SYT17: variants seen among roughly 807,000 people sequenced by gnomAD.
SYT17 encodes synaptotagmin-17.
Under a neutral mutation model 46.7 loss-of-function variants are expected in SYT17, and 22 were observed. That is an observed-to-expected ratio of 0.47 (90% confidence interval 0.34 to 0.67). SYT17 has a LOEUF of 0.67. Among genes scored for constraint, SYT17 ranks in the 30% least tolerant of loss-of-function variants. The pLI, the probability that SYT17 is intolerant of heterozygous loss-of-function variation, is 0.01. For synonymous variants in SYT17, 251 were observed against 248.4 expected (o/e 1.01, Z -0.10); for missense variants, 519 against 612.8 (o/e 0.85, Z 1.62).
intron 7 of SYT17, among the ~76,000 whole-genome samples, chr16:19,254,881 G>C (rs1968449734): frequency 6.6e-6 from 1 of 152,176 alleles, no homozygotes; most frequent in Non-Finnish European, 1.5e-5. Context: ...GTCATCTTCA[G>C]TGCAGGCTCC....
chr16:19,256,014 C>G (rs1200300132), intron 7 of SYT17, among the ~76,000 whole-genome samples: 1 of 152,174 alleles, frequency 6.6e-6, no homozygotes. Flanking sequence ...TGGTCTAGGT[C>G]AGTCCCCAGG....
rs145461518 is a variant in SYT17 at position 19,189,314 on chromosome 16, C to T, written c.951+5167C>T. On this transcript the variant is annotated intron_variant, in intron 5 of 7. Transcript: ENST00000355377. ...CCAAATAAGGTCCCATTCTGAGATA[C>T]TGGGGGTTAGGACCTCAACCTGTCT... Among the ~76,000 whole-genome samples the T allele has an allele frequency of 4.3e-3, 649 of 150,710 alleles. 5 individuals are homozygous for T. The highest frequency in any genetic ancestry group is 0.015 in the African/African-American group (626 of 40,794).
intron 7 of SYT17, among the ~76,000 whole-genome samples, chr16:19,231,864 A>T (rs1249814341): frequency 6.6e-6 from 1 of 152,238 alleles, no homozygotes; most frequent in East Asian, 1.9e-4. Flanking sequence ...GCAGACGGAC[A>T]TTAATTAAAT....
At chr16:19,193,385 T>C (rs937323755) in intron 5 of SYT17, among the ~76,000 whole-genome samples, 2 of 152,228 alleles carry the variant, frequency 1.3e-5, no homozygotes, top group East Asian at 3.8e-4. Flanking sequence ...GAAGAAAATA[T>C]GTTTAGTCAA....
At chr16:19,252,446 TACAC>T (rs1389386825) in intron 7 of SYT17, among the ~76,000 whole-genome samples, 1 of 29,548 alleles carries the variant, frequency 3.4e-5, no homozygotes, top group African/African-American at 2.9e-4. Flanking sequence ...TACATATATA[TACAC>T]ATATATACAT....
At chr16:19,254,619 C>T (rs539800387) in intron 7 of SYT17, among the ~76,000 whole-genome samples, 1 of 152,322 alleles carries the variant, frequency 6.6e-6, no homozygotes, top group South Asian at 2.1e-4. Context: ...GCAGGCCTTA[C>T]CTCATCCCCA....
chr16:19,181,108 C>T (rs1324128723), intron 4 of SYT17, among the ~76,000 whole-genome samples: 1 of 152,182 alleles, frequency 6.6e-6, no homozygotes, highest in African/African-American at 2.4e-5. Flanking sequence ...ATTGGGGGCT[C>T]CGTATTGTCT....
At position 19,261,028 on chromosome 16, in the gene SYT17, A is replaced by C. The variant is rs748548248; in HGVS notation, c.1229-5852A>C. On this transcript the variant is annotated intron_variant, in intron 7 of 7. Transcript: ENST00000355377. ...TAGTCTTTAAAAAAAAATTGTAGAA[A>C]GAGAGTCTTACTATGTTGCCCAAGC... Among the ~76,000 whole-genome samples, 10 of 152,210 alleles carry C rather than the reference A, an allele frequency of 6.6e-5. No homozygotes were observed. The South Asian group carries it at 1.0e-3, about 16-fold the overall frequency.
chr16:19,215,233 G>A (rs1966050577), intron 5 of SYT17, among the ~76,000 whole-genome samples: 1 of 152,098 alleles, frequency 6.6e-6, no homozygotes, highest in South Asian at 2.1e-4. Context: ...ATGTAGAAGT[G>A]GGGAGGGCAT....
Position 19,171,289 on chromosome 16 carries a change from T to TATGATGATG in SYT17, c.16-1441_16-1433dup, listed in dbSNP as rs66740634. On this transcript the variant is annotated intron_variant, in intron 1 of 7. Transcript: ENST00000355377. Reference sequence around the variant, plus strand: ...TTCACAAGCCACGTACCACCTATACTATGATGATGATGATGATGATGATGA... The same window carrying TATGATGATG: ...TTCACAAGCCACGTACCACCTATACTATGATGATGATGATGATGATGATGATGATGATGA... 9.4e-3 allele frequency: 1,013 copies of TATGATGATG among 107,676 alleles called. 5 individuals are homozygous for TATGATGATG. The highest frequency in any genetic ancestry group is 0.025 in the East Asian group (133 of 5,270). 6.7% of individuals were successfully genotyped at this position (107,676 alleles called of 1,614,324 possible).
Position 19,172,781 on chromosome 16 carries a change from G to T in SYT17, c.33+4G>T. ...GCAGTTGGAACCATTAAACGAGGTGGGTTCATTTGATGATTTGTTTGGTCT... is the reference window on the plus strand; with the variant it reads ...GCAGTTGGAACCATTAAACGAGGTGTGTTCATTTGATGATTTGTTTGGTCT... On this transcript the variant is annotated splice_donor_region_variant and intron_variant, in intron 2 of 7. Coordinates refer to ENST00000355377, the MANE Select transcript of SYT17 (RefSeq NM_016524.4). 6.2e-7 allele frequency: 1 copy of T among 1,614,008 alleles called. No individual in the cohort carries two copies. Among genetic ancestry groups the T allele is most frequent in the Non-Finnish European group, 8.5e-7 (1 of 1,180,014 alleles).
chr16:19,241,770 G>A (rs985660671), intron 7 of SYT17, among the ~76,000 whole-genome samples: 1 of 152,146 alleles, frequency 6.6e-6, no homozygotes, highest in Non-Finnish European at 1.5e-5. Context: ...TGCCAGGGTC[G>A]GGAGTCACAG....
chr16:19,241,881 T>C (rs999273844), intron 7 of SYT17, among the ~76,000 whole-genome samples: 3 of 152,160 alleles, frequency 2.0e-5, no homozygotes, highest in African/African-American at 7.2e-5. Flanking sequence ...CCACCACCAC[T>C]GCCCGTTCCC....
intron 5 of SYT17, among the ~76,000 whole-genome samples, chr16:19,221,754 A>G: frequency 6.6e-6 from 1 of 152,270 alleles, no homozygotes; most frequent in Non-Finnish European, 1.5e-5. Flanking sequence ...GATAGATGAT[A>G]AAGATAGATA....
Position 19,176,323 on chromosome 16 carries a change from T to G in SYT17, c.182+2745T>G, listed in dbSNP as rs951388433. 9.9e-5 allele frequency among the ~76,000 whole-genome samples: 15 copies of G among 152,280 alleles called. No individual in the cohort carries two copies. In the East Asian group the frequency reaches 2.1e-3, roughly 22 times the overall value. ...CGGGTTATGTACCAATCACTTTCACTTGGAGGAAATGGTGCTAGAATCATG... is the reference window on the plus strand; with the variant it reads ...CGGGTTATGTACCAATCACTTTCACGTGGAGGAAATGGTGCTAGAATCATG... On this transcript the variant is annotated intron_variant, in intron 3 of 7. Coordinates refer to ENST00000355377, the MANE Select transcript of SYT17 (RefSeq NM_016524.4).
At chr16:19,263,579 G>T (rs1457484848) in intron 7 of SYT17, among the ~76,000 whole-genome samples, 1 of 146,770 alleles carries the variant, frequency 6.8e-6, no homozygotes, top group Non-Finnish European at 1.5e-5. Flanking sequence ...GGCAGAGGTT[G>T]CAGTGAGCCG....
chr16:19,216,879 T>C (rs1276412700), intron 5 of SYT17, among the ~76,000 whole-genome samples: 1 of 152,228 alleles, frequency 6.6e-6, no homozygotes, highest in African/African-American at 2.4e-5. Flanking sequence ...TGATTTATAA[T>C]CCTTGGATAT....
chr16:19,178,742 C>T (rs1964424102), intron 3 of SYT17, among the ~76,000 whole-genome samples: 1 of 152,128 alleles, frequency 6.6e-6, no homozygotes, highest in Non-Finnish European at 1.5e-5. Flanking sequence ...CCTCGGAAGG[C>T]ATAAATCTAC....
intron 5 of SYT17, among the ~76,000 whole-genome samples, chr16:19,187,138 G>A (rs1376177235): frequency 6.6e-6 from 1 of 152,144 alleles, no homozygotes; most frequent in Non-Finnish European, 1.5e-5. Context: ...GGGCTCAAGA[G>A]ATCCTCCCAC....
Sources: allele counts gnomAD v4.1 joint callset (sites outside exome capture counted in the v4.1 genomes callset), GRCh38; gene constraint gnomAD v4.1.1; transcripts MANE v1.5; gene names NCBI Gene and HGNC (gene_info 2026-07-23, HGNC 2026-07-21).